GALNT2: variants seen among roughly 807,000 people sequenced by gnomAD.
GALNT2 encodes polypeptide N-acetylgalactosaminyltransferase 2, also known as UDP-GalNAc:polypeptide N-acetylgalactosaminyltransferase 2.
In GALNT2, 31 loss-of-function variants were observed where a neutral mutation model predicts 81.4. The ratio of observed to expected loss-of-function variants is 0.38; its 90% CI spans 0.29 to 0.51. The LOEUF is 0.51. Ranked by LOEUF, GALNT2 falls within the 20% of genes least tolerant of loss-of-function variation. GALNT2 has a pLI of 0.87. For synonymous variants in GALNT2, 303 were observed against 287.4 expected (o/e 1.05, Z -0.55); for missense variants, 629 against 765.7 (o/e 0.82, Z 2.11).
At chr1:230,125,977 G>T (rs528455032) in intron 1 of GALNT2, among the ~76,000 whole-genome samples, 1 of 152,348 alleles carries the variant, frequency 6.6e-6, no homozygotes, top group African/African-American at 2.4e-5. Context: ...TCAGAGGTTG[G>T]GTGGAGGCAG....
At chr1:230,146,656 G>A (rs1047714076) in intron 1 of GALNT2, among the ~76,000 whole-genome samples, 1 of 152,156 alleles carries the variant, frequency 6.6e-6, no homozygotes, top group Non-Finnish European at 1.5e-5. Flanking sequence ...AAACAAATTA[G>A]TATAGTAAGA....
chr1:230,162,044 A>AT (rs1454085243), intron 1 of GALNT2, among the ~76,000 whole-genome samples: 1 of 152,196 alleles, frequency 6.6e-6, no homozygotes, highest in East Asian at 1.9e-4. Flanking sequence ...TAAAAAAAAA[A>AT]TCTTGGCGCT....
At chr1:230,162,799 A>G (rs1361789862) in intron 1 of GALNT2, among the ~76,000 whole-genome samples, 4 of 152,224 alleles carry the variant, frequency 2.6e-5, no homozygotes, top group African/African-American at 4.8e-5. Context: ...GCTGAGAAGA[A>G]TCTAGATGGA....
chr1:230,222,484 G>A (rs147139640), intron 3 of GALNT2, among the ~76,000 whole-genome samples: 1,667 of 152,134 alleles, frequency 0.011, 16 homozygotes, highest in Middle Eastern at 0.02. Flanking sequence ...GTAAATGACC[G>A]CTATTATTAT....
chr1:230,161,309 C>T (rs1487282340), intron 1 of GALNT2, among the ~76,000 whole-genome samples: 3 of 152,182 alleles, frequency 2.0e-5, no homozygotes, highest in Non-Finnish European at 2.9e-5. Context: ...AGACCAGCTT[C>T]CTTACACCAT....
In GALNT2 at chr1:230,102,539, T is replaced by C. The variant is rs1332188867; in HGVS notation, c.126+35133T>C. On this transcript the variant is annotated intron_variant, in intron 1 of 15. Transcript: ENST00000366672. ...CAGATGGGCTTCTGTAGGGGAACGT[T>C]TATACCTTGGGGGTTCCGTTTCGAG... Among the ~76,000 whole-genome samples the C allele has an allele frequency of 5.9e-5, 9 of 152,284 alleles. No individual in the cohort carries two copies. In the East Asian group the frequency reaches 1.7e-3, roughly 29 times the overall value.
intron 11 of GALNT2, among the ~76,000 whole-genome samples, chr1:230,258,318 C>T (rs1000863592): frequency 6.6e-6 from 1 of 151,906 alleles, no homozygotes; most frequent in African/African-American, 2.4e-5. Context: ...CAACCTCCAC[C>T]TCCCGGATTC....
At chr1:230,133,791 T>C (rs1473845211) in intron 1 of GALNT2, among the ~76,000 whole-genome samples, 1 of 152,208 alleles carries the variant, frequency 6.6e-6, no homozygotes, top group African/African-American at 2.4e-5. Context: ...AACTGAAAAG[T>C]GTCTCATGTG....
intron 11 of GALNT2, 187 bp downstream of exon 11, chr1:230,255,531 G>A (rs1665686067): frequency 1.5e-6 from 1 of 678,790 alleles, no homozygotes; most frequent in Non-Finnish European, 2.5e-6. Flanking sequence ...CCTTTCCAGG[G>A]CATGATGCTG....
At chr1:230,057,929 GC>G (rs1000439568), upstream of GALNT2, 30 of 436,686 alleles carry the variant, frequency 6.9e-5, no homozygotes, top group African/African-American at 5.8e-4. Context: ...GTCGTCCGGG[GC>G]TAGGAGGATT....
At chr1:230,113,034 C>T (rs1188717195) in intron 1 of GALNT2, among the ~76,000 whole-genome samples, 1 of 152,142 alleles carries the variant, frequency 6.6e-6, no homozygotes, top group Non-Finnish European at 1.5e-5. Context: ...TTCTGTGTGC[C>T]CTCTTGCATG....
intron 1 of GALNT2, among the ~76,000 whole-genome samples, chr1:230,144,316 C>G (rs887142591): frequency 6.6e-6 from 1 of 152,130 alleles, no homozygotes; most frequent in African/African-American, 2.4e-5. Context: ...TAGTTAGTAT[C>G]CAGAACATTT....
intron 6 of GALNT2, among the ~76,000 whole-genome samples, chr1:230,239,296 T>C (rs189823965): frequency 1.3e-5 from 2 of 152,326 alleles, no homozygotes; most frequent in Admixed American, 6.5e-5. Context: ...ATAGGATAGA[T>C]GTATATATAA....
chr1:230,217,629 G>C (rs1372348289), intron 3 of GALNT2, among the ~76,000 whole-genome samples: 1 of 152,174 alleles, frequency 6.6e-6, no homozygotes, highest in African/African-American at 2.4e-5. Context: ...TTATAGTATG[G>C]AGGTTGGGAA....
At chr1:230,200,389 T>C (rs1273122031) in intron 2 of GALNT2, among the ~76,000 whole-genome samples, 1 of 152,080 alleles carries the variant, frequency 6.6e-6, no homozygotes, top group Non-Finnish European at 1.5e-5. Context: ...TTCTTGTCTG[T>C]CTCCCTCTAC....
Position 230,264,873 on chromosome 1 carries a change from T to C in GALNT2, c.1314-368T>C, listed in dbSNP as rs531739372. ...GGATAAAGGTCAGATCCTAAGTGTA[T>C]TGGAAAGTTCAAGGCAACAGGATCT... On this transcript the variant is annotated intron_variant, in intron 13 of 15. Transcript: ENST00000366672. 2.7e-5 allele frequency: 5 copies of C among 183,560 alleles called. No individual in the cohort carries two copies. In the East Asian group the frequency reaches 5.1e-4, roughly 19 times the overall value. The allele number at this position is 183,560 out of a possible 1,614,324, so 11.4% of individuals were successfully genotyped here.
intron 1 of GALNT2, among the ~76,000 whole-genome samples, chr1:230,090,579 C>G (rs540385084): frequency 2.0e-5 from 3 of 152,088 alleles, no homozygotes; most frequent in Non-Finnish European, 1.5e-5. Context: ...TCTGAGGTTC[C>G]CAAAGTTCCT....
chr1:230,135,053 T>C (rs1661492835), intron 1 of GALNT2, among the ~76,000 whole-genome samples: 1 of 152,222 alleles, frequency 6.6e-6, no homozygotes, highest in African/African-American at 2.4e-5. Context: ...TTCAAAGCAA[T>C]ATTAATGTAT....
At chr1:230,272,551 C>T (rs142463283) in intron 14 of GALNT2, among the ~76,000 whole-genome samples, 6,733 of 152,034 alleles carry the variant, frequency 0.044, 193 homozygotes, top group Non-Finnish European at 0.064. Flanking sequence ...ATGGAAGACC[C>T]GGGAAGTGAG....
Sources: allele counts gnomAD v4.1 joint callset (sites outside exome capture counted in the v4.1 genomes callset), GRCh38; gene constraint gnomAD v4.1.1; transcripts MANE v1.5; gene names NCBI Gene and HGNC (gene_info 2026-07-23, HGNC 2026-07-21).